CTNNA2: variants seen among roughly 807,000 people sequenced by gnomAD.
CTNNA2 encodes the protein catenin alpha-2.
Under a neutral mutation model 101.0 loss-of-function variants are expected in CTNNA2, and 42 were observed. That is an observed-to-expected ratio of 0.42 (90% CI 0.32 to 0.54). CTNNA2 has a LOEUF of 0.54. Among genes scored for constraint, CTNNA2 ranks in the 20% least tolerant of loss-of-function variants. The pLI is 0.14. For synonymous variants in CTNNA2, 450 were observed against 456.4 expected (o/e 0.99, Z 0.18); for missense variants, 871 against 1,223.1 (o/e 0.71, Z 4.29).
At position 80,037,869 on chromosome 2, in the gene CTNNA2, T is replaced by A. The variant is rs536057407; in HGVS notation, c.1056+128072T>A. ...ATTCTTGATACCCATGAAGTCAGAA[T>A]CGGGTAATGAAAATCATTCATTATA... On this transcript the variant is annotated intron_variant, in intron 7 of 18. Coordinates refer to ENST00000402739, the MANE Select transcript of CTNNA2 (RefSeq NM_001282597.3). Among the ~76,000 whole-genome samples, 4 of 152,292 alleles carry A rather than the reference T, an allele frequency of 2.6e-5. No homozygotes were observed. In the South Asian group the frequency reaches 6.2e-4, roughly 24 times the overall value.
At chr2:79,512,709 C>A (rs1300053717), upstream of CTNNA2, among the ~76,000 whole-genome samples, 1 of 151,902 alleles carries the variant, frequency 6.6e-6, no homozygotes, top group Non-Finnish European at 1.5e-5. Flanking sequence ...GGTGCCCCTT[C>A]GCCGCCGTCC....
At chr2:79,466,433 G>A (rs541411667) in intron 4 of CTNNA2, among the ~76,000 whole-genome samples, 111 of 152,300 alleles carry the variant, frequency 7.3e-4, no homozygotes, top group Admixed American at 1.5e-3. Flanking sequence ...GCCTGCCTCT[G>A]TAGACTCCAC....
chr2:80,337,846 G>A lies in CTNNA2; in HGVS notation c.1057-55365G>A, dbSNP rs1671887509. 4.6e-5 allele frequency among the ~76,000 whole-genome samples: 7 copies of A among 152,268 alleles called. No individual in the cohort carries two copies. In the South Asian group the frequency reaches 1.2e-3, roughly 27 times the overall value. On this transcript the variant is annotated intron_variant, in intron 7 of 18. Transcript: ENST00000402739. ...GGAGGACTTGCTGCAGCCCCTTATAGTAAGCGAATTGACCCCACCATGGGA... is the reference window on the plus strand; with the variant it reads ...GGAGGACTTGCTGCAGCCCCTTATAATAAGCGAATTGACCCCACCATGGGA...
intron 7 of CTNNA2, among the ~76,000 whole-genome samples, chr2:80,259,517 C>T (rs1044420941): frequency 6.6e-6 from 1 of 152,154 alleles, no homozygotes; most frequent in Non-Finnish European, 1.5e-5. Flanking sequence ...GACCTTCCTT[C>T]CTGGCACTGC....
chr2:80,162,095 T>G (rs1014207748), intron 7 of CTNNA2, among the ~76,000 whole-genome samples: 1 of 152,152 alleles, frequency 6.6e-6, no homozygotes, highest in African/African-American at 2.4e-5. Flanking sequence ...ACCTGGATGT[T>G]TTCTTGATTC....
In CTNNA2 at chr2:79,774,551, G is replaced by C. The variant is rs1021608006; in HGVS notation, c.298+29969G>C. Among the ~76,000 whole-genome samples, 3 of 152,074 alleles carry C rather than the reference G, an allele frequency of 2.0e-5. No homozygotes were observed. In the South Asian group the frequency reaches 6.2e-4, roughly 32 times the overall value. ...AGTGGAGTCACACAGGAAAATGAGA[G>C]CTCCCTGGGTAATTGCATGTACATA... On this transcript the variant is annotated intron_variant, in intron 3 of 18. Transcript: ENST00000402739.
intron 3 of CTNNA2, among the ~76,000 whole-genome samples, chr2:79,332,841 T>C (rs112783786): frequency 3.9e-5 from 6 of 152,290 alleles, no homozygotes; most frequent in African/African-American, 1.4e-4. Context: ...GCCAAACTGA[T>C]GTGTAGCACT....
At chr2:80,392,779 C>T (rs887112684) in intron 7 of CTNNA2, among the ~76,000 whole-genome samples, 9 of 152,034 alleles carry the variant, frequency 5.9e-5, no homozygotes, top group Admixed American at 5.9e-4. Context: ...TATAAAATTC[C>T]GAATTCTGGT....
chr2:79,977,396 G>A (rs1690944933), intron 7 of CTNNA2, among the ~76,000 whole-genome samples: 3 of 152,236 alleles, frequency 2.0e-5, no homozygotes, highest in Admixed American at 1.3e-4. Context: ...TGGCATGTAT[G>A]TGTAGAGGCC....
chr2:79,720,959 A>T (rs139021278), intron 2 of CTNNA2, among the ~76,000 whole-genome samples: 1 of 152,118 alleles, frequency 6.6e-6, no homozygotes, highest in East Asian at 1.9e-4. Context: ...TAGTGTACTT[A>T]TATGTGTTTT....
chr2:79,618,373 G>A (rs769855606), intron 1 of CTNNA2, among the ~76,000 whole-genome samples: 2 of 151,954 alleles, frequency 1.3e-5, no homozygotes, highest in Non-Finnish European at 2.9e-5. Flanking sequence ...TTCTATGATA[G>A]TTATTGGATT....
intron 18 of CTNNA2, among the ~76,000 whole-genome samples, chr2:80,640,684 A>C (rs1258930806): frequency 1.3e-5 from 2 of 152,208 alleles, no homozygotes; most frequent in African/African-American, 4.8e-5. Flanking sequence ...TAAAACATGA[A>C]ATGTTCTTCT....
chr2:79,889,507 G>A (rs562391231), intron 6 of CTNNA2, among the ~76,000 whole-genome samples: 5 of 152,284 alleles, frequency 3.3e-5, no homozygotes, highest in African/African-American at 9.6e-5. Context: ...ACAATGGTGG[G>A]ACAGCATCTC....
At chr2:80,328,004 A>G (rs1670978513) in intron 7 of CTNNA2, among the ~76,000 whole-genome samples, 1 of 152,206 alleles carries the variant, frequency 6.6e-6, no homozygotes, top group African/African-American at 2.4e-5. Context: ...TTGACTTATT[A>G]ACATGGATGG....
At chr2:79,935,362 T>C (rs1029244957) in intron 7 of CTNNA2, among the ~76,000 whole-genome samples, 5 of 151,934 alleles carry the variant, frequency 3.3e-5, no homozygotes, top group Non-Finnish European at 4.4e-5. Context: ...CTTTTTTTTT[T>C]TTTAACTTTT....
intron 7 of CTNNA2, among the ~76,000 whole-genome samples, chr2:80,164,652 C>CCCTTT (rs1704540224): frequency 6.6e-6 from 1 of 151,684 alleles, no homozygotes; most frequent in Non-Finnish European, 1.5e-5. Context: ...CAACCCCTCC[C>CCCTTT]CCTTTCCTTT....
chr2:79,335,181 T>A (rs1447720227), intron 3 of CTNNA2, among the ~76,000 whole-genome samples: 1 of 152,172 alleles, frequency 6.6e-6, no homozygotes, highest in African/African-American at 2.4e-5. Flanking sequence ...TCATCTCATT[T>A]CCCTGGCCTT....
rs376688528 is a variant in CTNNA2, at chr2:79,676,455, A to G, written c.102+24797A>G. ...GCAGCAAGTGTAGGAGCTTGGTTTC[A>G]GGGGTCTAGGGTGGTACCCACGGTG... On this transcript the variant is annotated intron_variant, in intron 2 of 18. Transcript: ENST00000402739. Among the ~76,000 whole-genome samples the G allele has an allele frequency of 2.0e-5, 3 of 152,282 alleles. No individual in the cohort carries two copies. In the East Asian group the frequency reaches 5.8e-4, roughly 30 times the overall value.
chr2:79,941,472 A>G (rs1015467989), intron 7 of CTNNA2, among the ~76,000 whole-genome samples: 13 of 152,192 alleles, frequency 8.5e-5, no homozygotes, highest in African/African-American at 2.2e-4. Flanking sequence ...ACTTGATGAT[A>G]AACATGATGC....
Sources: gnomAD v4.1 joint callset for allele counts (sites outside exome capture counted in the v4.1 genomes callset) on GRCh38, gnomAD v4.1.1 for gene constraint, MANE v1.5 for transcripts, NCBI Gene and HGNC (gene_info 2026-07-23, HGNC 2026-07-21) for gene names.